Variants in DGKB observed in about 807,000 individuals in gnomAD.
DGKB encodes the protein diacylglycerol kinase beta.
A neutral mutation model predicts 114.3 loss-of-function variants in DGKB; 67 were observed. That is an observed-to-expected ratio of 0.59 (90% CI 0.48 to 0.72). The LOEUF (loss-of-function observed/expected upper bound fraction) is 0.72. Ranked by LOEUF, DGKB falls within the 30% of genes least tolerant of loss-of-function variation. The pLI is 0.00. For missense variants in DGKB, 907 were observed against 975.2 expected (o/e 0.93, Z 0.93); for synonymous variants, 398 against 323.1 (o/e 1.23, Z -2.49).
intron 1 of DGKB, among the ~76,000 whole-genome samples, chr7:14,952,429 C>T (rs1175628410): frequency 6.6e-6 from 1 of 151,954 alleles, no homozygotes; most frequent in Non-Finnish European, 1.5e-5. Context: ...TCTACAGAAT[C>T]ACTGACATCT....
chr7:14,728,348 T>A (rs1166178443), intron 5 of DGKB, among the ~76,000 whole-genome samples: 1 of 152,198 alleles, frequency 6.6e-6, no homozygotes, highest in African/African-American at 2.4e-5. Flanking sequence ...CGATTTCTTC[T>A]GGATAAAATT....
intron 9 of DGKB, among the ~76,000 whole-genome samples, chr7:14,693,587 G>GCCTT (rs1370207023): frequency 1.3e-5 from 2 of 150,328 alleles, no homozygotes; most frequent in South Asian, 2.1e-4. Context: ...GCCATTAAAG[G>GCCTT]TAATGGCAGA....
chr7:14,283,943 C>T (rs1800391843), intron 23 of DGKB, among the ~76,000 whole-genome samples: 1 of 152,082 alleles, frequency 6.6e-6, no homozygotes, highest in Admixed American at 6.5e-5. Flanking sequence ...CCATTCAGGA[C>T]ATAGGCATGG....
intron 20 of DGKB, among the ~76,000 whole-genome samples, chr7:14,509,031 T>C (rs1787563687): frequency 6.6e-6 from 1 of 152,144 alleles, no homozygotes; most frequent in South Asian, 2.1e-4. Context: ...CTGCCACATT[T>C]CCAGAAATTA....
chr7:14,596,790 G>A (rs527561561), intron 17 of DGKB, among the ~76,000 whole-genome samples: 7 of 152,210 alleles, frequency 4.6e-5, no homozygotes, highest in African/African-American at 1.7e-4. Flanking sequence ...GGGCATGGGG[G>A]AGGGCTCTTA....
At chr7:14,219,601 T>C (rs1789582755) in intron 23 of DGKB, among the ~76,000 whole-genome samples, 1 of 151,846 alleles carries the variant, frequency 6.6e-6, no homozygotes. Flanking sequence ...TAAATGTCTA[T>C]TAAGGACATC....
intron 2 of DGKB, among the ~76,000 whole-genome samples, chr7:14,782,217 G>A (rs1416083201): frequency 2.0e-5 from 3 of 152,028 alleles, no homozygotes; most frequent in Admixed American, 6.6e-5. Context: ...GTACAGAATG[G>A]GTTTTGCCTT....
At position 14,550,550 on chromosome 7, in the gene DGKB, A is replaced by G. The variant is rs73287773; in HGVS notation, c.1770+23662T>C. ...TTTCCAAGAAAAACATTACAGCAGT[A>G]TAGCATTAACATCATTAAAAATTTC... On this transcript the variant is annotated intron_variant, in intron 20 of 25. Transcript: ENST00000402815. Among the ~76,000 whole-genome samples the G allele has an allele frequency of 7.2e-3, 1,103 of 152,332 alleles. 18 individuals are homozygous for G. Among genetic ancestry groups the G allele is most frequent in the African/African-American group, 0.025 (1,057 of 41,572 alleles).
chr7:14,408,317 A>C (rs1824290443), intron 21 of DGKB, among the ~76,000 whole-genome samples: 1 of 152,080 alleles, frequency 6.6e-6, no homozygotes, highest in Admixed American at 6.6e-5. Flanking sequence ...AGTACTTCGG[A>C]TTTTTGTCTT....
chr7:14,418,400 C>CGTGTATATAT (rs1826132895), intron 21 of DGKB, among the ~76,000 whole-genome samples: 1 of 141,166 alleles, frequency 7.1e-6, no homozygotes, highest in African/African-American at 2.9e-5. Context: ...TATACACACA[C>CGTGTATATAT]ACATATATTC....
chr7:14,658,737 A>G (rs1816367300), intron 13 of DGKB, among the ~76,000 whole-genome samples: 1 of 151,796 alleles, frequency 6.6e-6, no homozygotes, highest in Non-Finnish European at 1.5e-5. Context: ...TTATATTTAT[A>G]ATTTTAATAA....
At chr7:14,887,667 G>A (rs778174186) in intron 1 of DGKB, among the ~76,000 whole-genome samples, 2 of 151,716 alleles carry the variant, frequency 1.3e-5, no homozygotes, top group Non-Finnish European at 2.9e-5. Context: ...ATCTAAAATA[G>A]CACATTAATT....
chr7:14,801,619 ATCT>A (rs1842154748), intron 2 of DGKB, among the ~76,000 whole-genome samples: 1 of 151,912 alleles, frequency 6.6e-6, no homozygotes, highest in Non-Finnish European at 1.5e-5. Context: ...GAGCTGGGAC[ATCT>A]TCTCTCATTT....
intron 2 of DGKB, among the ~76,000 whole-genome samples, chr7:14,771,497 G>T (rs1347034060): frequency 2.0e-5 from 3 of 152,090 alleles, no homozygotes; most frequent in South Asian, 2.1e-4. Context: ...TTTGATGAAG[G>T]ATTAATTAAA....
chr7:14,231,369 C>A (rs1200525968), intron 23 of DGKB, among the ~76,000 whole-genome samples: 1 of 151,830 alleles, frequency 6.6e-6, no homozygotes, highest in Non-Finnish European at 1.5e-5. Flanking sequence ...AACTTGTGGC[C>A]TCAAGCCATC....
At chr7:14,499,648 C>A (rs1785827088) in intron 20 of DGKB, among the ~76,000 whole-genome samples, 1 of 151,702 alleles carries the variant, frequency 6.6e-6, no homozygotes, top group African/African-American at 2.4e-5. Flanking sequence ...TGAGGCAACA[C>A]CTTAAATGGA....
At chr7:14,314,641 C>A (rs1443430959) in intron 23 of DGKB, among the ~76,000 whole-genome samples, 1 of 151,976 alleles carries the variant, frequency 6.6e-6, no homozygotes, top group Non-Finnish European at 1.5e-5. Flanking sequence ...GTGAAAAGAC[C>A]AAATCTACGT....
At chr7:14,150,954 G>T (rs1007562165) in intron 25 of DGKB, among the ~76,000 whole-genome samples, 2 of 151,992 alleles carry the variant, frequency 1.3e-5, no homozygotes, top group African/African-American at 4.8e-5. Flanking sequence ...CTGCCCCCAA[G>T]AAATTATAAT....
intron 19 of DGKB, among the ~76,000 whole-genome samples, chr7:14,577,382 T>C (rs753676749): frequency 7.2e-5 from 11 of 151,788 alleles, no homozygotes; most frequent in Admixed American, 2.0e-4. Flanking sequence ...CTTTGGGAGG[T>C]CAAGGCGGGT....
Sources: allele counts gnomAD v4.1 joint callset (sites outside exome capture counted in the v4.1 genomes callset), GRCh38; gene constraint gnomAD v4.1.1; transcripts MANE v1.5; gene names NCBI Gene and HGNC (gene_info 2026-07-23, HGNC 2026-07-21).